UBP1: variants seen among roughly 807,000 people sequenced by gnomAD.
The protein encoded by UBP1 is upstream binding protein 1.
A neutral mutation model predicts 76.1 loss-of-function variants in UBP1; 22 were observed. That is an observed-to-expected ratio of 0.29 (90% CI 0.21 to 0.41). UBP1 has a LOEUF of 0.41. Ranked by LOEUF, UBP1 falls within the 10% of genes least tolerant of loss-of-function variation. UBP1 has a pLI of 1.00. For missense variants in UBP1, 436 were observed against 668.1 expected, an observed-to-expected ratio of 0.65 and a Z score of 3.83; for synonymous variants, 224 against 237.1, an observed-to-expected ratio of 0.94 and a Z score of 0.51.
chr3:33,437,895 G>A (rs980403947), intron 1 of UBP1, among the ~76,000 whole-genome samples: 2 of 152,046 alleles, frequency 1.3e-5, no homozygotes, highest in Non-Finnish European at 2.9e-5. Context: ...TTTGCAAGAG[G>A]CAAGCACTCT....
intron 1 of UBP1, among the ~76,000 whole-genome samples, chr3:33,433,070 T>G (rs1170354068): frequency 1.3e-5 from 2 of 151,564 alleles, no homozygotes; most frequent in Non-Finnish European, 2.9e-5. Flanking sequence ...AGTTTTTTGT[T>G]TTTTTTTTGA....
intron 13 of UBP1, among the ~76,000 whole-genome samples, chr3:33,394,298 G>A (rs2043881923): frequency 6.6e-6 from 1 of 151,682 alleles, no homozygotes; most frequent in Non-Finnish European, 1.5e-5. Flanking sequence ...TGCCCAGTTA[G>A]GCCTCCCAAA....
intron 8 of UBP1, among the ~76,000 whole-genome samples, chr3:33,406,711 C>G (rs917278123): frequency 3.3e-5 from 5 of 152,330 alleles, no homozygotes; most frequent in Admixed American, 3.3e-4. Context: ...GAATTCATAA[C>G]GGCGCTAGCA....
intron 9 of UBP1, 29 bp downstream of exon 9, chr3:33,402,772 G>A: frequency 6.9e-7 from 1 of 1,458,886 alleles, no homozygotes; most frequent in Non-Finnish European, 9.2e-7. Flanking sequence ...TTAGTTAGCT[G>A]CAGGCACACG....
intron 5 of UBP1, among the ~76,000 whole-genome samples, chr3:33,410,045 T>A (rs2044529284): frequency 6.6e-6 from 1 of 152,204 alleles, no homozygotes; most frequent in African/African-American, 2.4e-5. Flanking sequence ...CAGCCAACTA[T>A]CTTACTGCTG....
At chr3:33,435,159 A>C (rs2045184999) in intron 1 of UBP1, among the ~76,000 whole-genome samples, 5 of 152,234 alleles carry the variant, frequency 3.3e-5, no homozygotes, top group African/African-American at 1.2e-4. Flanking sequence ...AAATGTTTTA[A>C]ATGAGTTAAT....
chr3:33,420,842 C>T (rs539064777), intron 2 of UBP1, among the ~76,000 whole-genome samples: 4 of 152,072 alleles, frequency 2.6e-5, no homozygotes, highest in African/African-American at 7.2e-5. Flanking sequence ...AGGCTGTTAT[C>T]GAACTCCCAA....
At position 33,390,005 on chromosome 3, in the gene UBP1, T is replaced by C. The variant is rs1447455299; in HGVS notation, c.*326A>G. ...TTTCTACATTCATTTCCAAACCGCATACAGTGTAAAAAGACAGCAAAGGCT... is the reference window on the plus strand; with the variant it reads ...TTTCTACATTCATTTCCAAACCGCACACAGTGTAAAAAGACAGCAAAGGCT... On this transcript the variant is annotated 3_prime_UTR_variant, in exon 16 of 16. Coordinates refer to ENST00000283629, the MANE Select transcript of UBP1 (RefSeq NM_014517.5). 3.4e-6 allele frequency: 1 copy of C among 292,260 alleles called. No homozygotes were observed. The highest frequency in any genetic ancestry group is 2.1e-5 in the African/African-American group (1 of 46,686). The allele number at this position is 292,260 out of a possible 1,614,324, so 18.1% of individuals were successfully genotyped here.
rs772090037 is a variant in UBP1, at chr3:33,421,588, T to TTA, written c.265+4000_265+4001dup. Among the ~76,000 whole-genome samples the TTA allele has an allele frequency of 1.4e-4, 22 of 152,310 alleles. No individual in the cohort carries two copies. The East Asian group carries it at 2.9e-3, about 20-fold the overall frequency. Reference sequence around the variant, plus strand: ...CCCAGCCTTAAACACAAATAAGTTTTTAAACTCAGTCCCTCTGAGGTTCAA... The same window carrying TTA: ...CCCAGCCTTAAACACAAATAAGTTTTTATAAACTCAGTCCCTCTGAGGTTCAA... On this transcript the variant is annotated intron_variant, in intron 2 of 15. Transcript: ENST00000283629.
intron 2 of UBP1, among the ~76,000 whole-genome samples, chr3:33,418,731 T>C (rs1371807790): frequency 6.6e-6 from 1 of 151,526 alleles, no homozygotes; most frequent in Non-Finnish European, 1.5e-5. Context: ...TGGTGGTGCA[T>C]GCCTGTAATC....
intron 15 of UBP1, 116 bp downstream of exon 15, chr3:33,392,447 C>T: frequency 1.1e-6 from 1 of 875,004 alleles, no homozygotes; most frequent in Non-Finnish European, 1.7e-6. Flanking sequence ...ATCAAACTTT[C>T]TTCTTAAAAT....
rs887422361 is a variant in UBP1 at position 33,390,134 on chromosome 3, T to C, written c.*197A>G. ...GCATGCTGTGCCGATGTGCTCACTCTCATGAGGATGCTTGGCTATGGCAGT... is the reference window on the plus strand; with the variant it reads ...GCATGCTGTGCCGATGTGCTCACTCCCATGAGGATGCTTGGCTATGGCAGT... On this transcript the variant is annotated 3_prime_UTR_variant, in exon 16 of 16. Coordinates refer to ENST00000283629, the MANE Select transcript of UBP1 (RefSeq NM_014517.5). 5 of 603,338 alleles carry C rather than the reference T, an allele frequency of 8.3e-6. No individual in the cohort carries two copies. In the South Asian group the frequency reaches 9.4e-5, roughly 11 times the overall value. The allele number at this position is 603,338 out of a possible 1,614,324, so 37.4% of individuals were successfully genotyped here.
At chr3:33,400,152 C>A in intron 11 of UBP1, 37 bp downstream of exon 11, 1 of 1,298,182 alleles carries the variant, frequency 7.7e-7, no homozygotes, top group Non-Finnish European at 1.0e-6. Context: ...AAAAACAAAA[C>A]ATTCTCATGC....
chr3:33,429,323 T>TA (rs1258197628), intron 1 of UBP1, among the ~76,000 whole-genome samples: 3 of 152,120 alleles, frequency 2.0e-5, no homozygotes, highest in Non-Finnish European at 4.4e-5. Flanking sequence ...GACAGAATGT[T>TA]AAACGGAACT....
intron 7 of UBP1, 100 bp downstream of exon 7, chr3:33,409,136 C>A: frequency 8.7e-7 from 1 of 1,142,866 alleles, no homozygotes; most frequent in South Asian, 1.4e-5. Flanking sequence ...CAAACTGCCA[C>A]CCAATCTTCC....
chr3:33,396,276 C>G lies in UBP1; in HGVS notation c.1276G>C (p.Val426Leu). 1 of 1,575,310 alleles carries G rather than the reference C, an allele frequency of 6.3e-7. No individual in the cohort carries two copies. Among genetic ancestry groups the G allele is most frequent in the Non-Finnish European group, 8.7e-7 (1 of 1,149,480 alleles). The change falls in exon 13 of 16, where the codon GTT becomes CTT. Residue 426 changes from valine to leucine, a missense_variant. Physicochemically the swap from Val to Leu is conservative, Grantham distance 32 (BLOSUM62 1). This residue lies in a region of UBP1 where 210 missense variants were observed against 272.8 expected (regional missense o/e 0.77). Transcript: ENST00000283629. ...ACATAGATGGTTAAACGGGGTCTAA[C>G]CGACCTGCAATCAGAAGATGCCACT... ...RLYNSLKSRSVRPRLTIYVCR... is the reference protein window; with the variant it reads ...RLYNSLKSRSLRPRLTIYVCR...
At chr3:33,392,720 T>A (rs1234702665) in intron 14 of UBP1, 106 bp from the exon 15 acceptor site, 2 of 1,032,932 alleles carry the variant, frequency 1.9e-6, no homozygotes, top group Non-Finnish European at 2.8e-6. Flanking sequence ...CAGGACTCAA[T>A]GGCCAAAACG....
chr3:33,426,183 T>C (rs1439376507), intron 1 of UBP1, among the ~76,000 whole-genome samples: 1 of 151,746 alleles, frequency 6.6e-6, no homozygotes, highest in Non-Finnish European at 1.5e-5. Context: ...ACCATAGAAT[T>C]ACAAAGAAGC....
At chr3:33,408,330 A>T (rs1217663249) in intron 8 of UBP1, among the ~76,000 whole-genome samples, 1 of 152,166 alleles carries the variant, frequency 6.6e-6, no homozygotes, top group African/African-American at 2.4e-5. Context: ...TAATTTACTA[A>T]AGAAAGTATT....
Sources: allele counts gnomAD v4.1 joint callset (sites outside exome capture counted in the v4.1 genomes callset), GRCh38; gene constraint gnomAD v4.1.1; regional missense constraint gnomAD v4.1.1; transcripts MANE v1.5; gene names NCBI Gene and HGNC (gene_info 2026-07-23, HGNC 2026-07-21).